The following EMP1 variants were observed in gnomAD, a reference collection of about 807,000 sequenced individuals.
EMP1 encodes epithelial membrane protein 1.
In EMP1, 5 loss-of-function variants were observed where a neutral mutation model predicts 15.7. That is an observed-to-expected ratio of 0.32 (90% CI 0.17 to 0.67). EMP1 has a LOEUF of 0.67. Among genes scored for constraint, EMP1 ranks in the 30% least tolerant of loss-of-function variants. The pLI, the probability that EMP1 is intolerant of heterozygous loss-of-function variation, is 0.74. For missense variants in EMP1, 166 were observed against 194.2 expected (o/e 0.85, Z 0.86); for synonymous variants, 78 against 76.7 (o/e 1.02, Z -0.09).
intron 4 of EMP1, chr12:13,214,150 A>G (rs1033109947): frequency 5.0e-6 from 3 of 604,520 alleles, no homozygotes; most frequent in African/African-American, 3.7e-5. Context: ...GCACATCATT[A>G]TTGTGATTCT....
chr12:13,214,796 G>A lies in EMP1; in HGVS notation c.*105G>A. The A allele has an allele frequency of 1.4e-5, 2 of 138,552 alleles. 1 individual carries two copies. Among genetic ancestry groups the A allele is most frequent in the South Asian group, 4.4e-4 (2 of 4,556 alleles). The allele number at this position is 138,552 out of a possible 1,614,324, so 8.6% of individuals were successfully genotyped here. On this transcript the variant is annotated 3_prime_UTR_variant, in exon 5 of 5. Transcript: ENST00000256951. ...CAGGAAAAACCGAGATAGGGGAGGG[G>A]GGAGGGGGAAGCAAAGGGGGGAGGT...
intron 1 of EMP1, among the ~76,000 whole-genome samples, chr12:13,202,254 C>T (rs757534334): frequency 2.0e-5 from 3 of 152,164 alleles, no homozygotes; most frequent in Non-Finnish European, 4.4e-5. Context: ...AATCTTTTGT[C>T]GCATTGGCTA....
chr12:13,203,637 A>G (rs367882276), intron 1 of EMP1, among the ~76,000 whole-genome samples: 2 of 152,354 alleles, frequency 1.3e-5, no homozygotes, highest in South Asian at 2.1e-4. Context: ...CCAACCAACC[A>G]GGAACTGTGT....
intron 1 of EMP1, among the ~76,000 whole-genome samples, chr12:13,202,160 T>G (rs1864071687): frequency 6.6e-6 from 1 of 152,186 alleles, no homozygotes; most frequent in African/African-American, 2.4e-5. Flanking sequence ...CCTTCCATCC[T>G]TCCACTCTTG....
At position 13,214,757 on chromosome 12, in the gene EMP1, T is replaced by C; in HGVS notation, c.*66T>C. 1 of 1,200,582 alleles carries C rather than the reference T, an allele frequency of 8.3e-7. No homozygotes were observed. Among genetic ancestry groups the C allele is most frequent in the Admixed American group, 2.5e-5 (1 of 40,080 alleles). The allele number at this position is 1,200,582 out of a possible 1,614,324, so 74.4% of individuals were successfully genotyped here. A position where few individuals can be genotyped will look rare whatever the true frequency, so the allele number is the denominator to read the frequency against. On this transcript the variant is annotated 3_prime_UTR_variant, in exon 5 of 5. Coordinates refer to ENST00000256951, the MANE Select transcript of EMP1 (RefSeq NM_001423.3). Reference sequence around the variant, plus strand: ...GAAGCCGTTGAATCTGGGAGGGAAGTGGAGGTTGCTGTACAGGAAAAACCG... The same window carrying C: ...GAAGCCGTTGAATCTGGGAGGGAAGCGGAGGTTGCTGTACAGGAAAAACCG...
chr12:13,209,833 G>A (rs1864148495), intron 1 of EMP1, among the ~76,000 whole-genome samples: 2 of 152,178 alleles, frequency 1.3e-5, no homozygotes, highest in Admixed American at 6.5e-5. Context: ...GAATTTGAAT[G>A]TGTGGGGGGA....
chr12:13,211,669 C>A lies in EMP1; in HGVS notation c.78+81C>A. The A allele has an allele frequency of 6.6e-7, 1 of 1,510,266 alleles. No individual in the cohort carries two copies. Among genetic ancestry groups the A allele is most frequent in the Non-Finnish European group, 9.2e-7 (1 of 1,090,146 alleles). 93.6% of individuals were successfully genotyped at this position (1,510,266 alleles called of 1,614,324 possible). A position where few individuals can be genotyped will look rare whatever the true frequency, so the allele number is the denominator to read the frequency against. ...TCAAGTGCACAAAAGAAGTTTAAGC[C>A]ACAGCCCTTGCCCTTCATGAACTTA... is the stretch of plus-strand genomic sequence containing the variant. On this transcript the variant is annotated intron_variant, in intron 2 of 4. Transcript: ENST00000256951. This position sits in a 1 kb window ranked among gnomAD's most constrained non-coding sequence, Gnocchi z 4.7.
At position 13,215,089 on chromosome 12, in the gene EMP1, C is replaced by A. The variant is rs1864202583; in HGVS notation, c.*398C>A. ...ATAGCGGTACAAGTTCTGGCAAGAG[C>A]AGATACTGTCTTTGTGCTGAATACG... On this transcript the variant is annotated 3_prime_UTR_variant, in exon 5 of 5. Transcript: ENST00000256951. 5.1e-6 allele frequency: 1 copy of A among 197,974 alleles called. No individual in the cohort carries two copies. Among genetic ancestry groups the A allele is most frequent in the African/African-American group, 2.3e-5 (1 of 43,238 alleles). 12.3% of individuals were successfully genotyped at this position (197,974 alleles called of 1,614,324 possible). A position where few individuals can be genotyped will look rare whatever the true frequency, so the allele number is the denominator to read the frequency against.
At chr12:13,210,164 AATAAATACC>A (rs775334882) in intron 1 of EMP1, among the ~76,000 whole-genome samples, 45 of 152,242 alleles carry the variant, frequency 3.0e-4, no homozygotes, top group Non-Finnish European at 5.4e-4. Context: ...AGTGCTCTCT[AATAAATACC>A]TGATGTGGCA....
At chr12:13,214,110 T>G in intron 4 of EMP1, 1 of 614,274 alleles carries the variant, frequency 1.6e-6, no homozygotes, top group East Asian at 2.7e-5. Flanking sequence ...AAGGTAGGAG[T>G]TCTCAGAAAG....
At chr12:13,200,184 C>T (rs974916398) in intron 1 of EMP1, among the ~76,000 whole-genome samples, 4 of 152,264 alleles carry the variant, frequency 2.6e-5, no homozygotes, top group East Asian at 3.9e-4. Context: ...TGTACATACT[C>T]GGAGGGACAC....
Position 13,215,223 on chromosome 12 carries a change from A to G in EMP1, c.*532A>G, listed in dbSNP as rs1864203942. 1 of 154,178 alleles carries G rather than the reference A, an allele frequency of 6.5e-6. No homozygotes were observed. The highest frequency in any genetic ancestry group is 2.0e-4 in the South Asian group (1 of 4,948). 9.6% of individuals were successfully genotyped at this position (154,178 alleles called of 1,614,324 possible). ...CTGTGAGCCATTGTCCCTCTTTGGA[A>G]CAGATATTTAGCTCTGTGGAATTCA... On this transcript the variant is annotated 3_prime_UTR_variant, in exon 5 of 5. Transcript: ENST00000256951.
At chr12:13,201,925 A>G (rs1780927167) in intron 1 of EMP1, among the ~76,000 whole-genome samples, 1 of 151,738 alleles carries the variant, frequency 6.6e-6, no homozygotes, top group African/African-American at 2.4e-5. Flanking sequence ...GGTGTGGTGT[A>G]CAGGTGTGGA....
intron 1 of EMP1, among the ~76,000 whole-genome samples, chr12:13,203,465 C>T (rs1329066361): frequency 2.0e-5 from 3 of 152,308 alleles, no homozygotes; most frequent in African/African-American, 7.2e-5. Context: ...GGAGGACAAG[C>T]GGAAATAAGA....
At chr12:13,199,964 C>CT (rs60389913) in intron 1 of EMP1, among the ~76,000 whole-genome samples, 17,395 of 107,490 alleles carry the variant, frequency 0.16, 1,641 homozygotes, top group East Asian at 0.41. Flanking sequence ...TCTTCTTCTT[C>CT]TTTTTTTTTT....
intron 1 of EMP1, among the ~76,000 whole-genome samples, chr12:13,201,929 G>A (rs1198496635): frequency 6.6e-6 from 1 of 151,822 alleles, no homozygotes; most frequent in Non-Finnish European, 1.5e-5. Flanking sequence ...TGGTGTACAG[G>A]TGTGGACAGG....
In EMP1 at chr12:13,216,325, A is replaced by G; in HGVS notation, c.*1634A>G. 1.4e-6 allele frequency: 1 copy of G among 695,864 alleles called. No individual in the cohort carries two copies. The highest frequency in any genetic ancestry group is 1.5e-5 in the South Asian group (1 of 65,832). 43.1% of individuals were successfully genotyped at this position (695,864 alleles called of 1,614,324 possible). The stretch of plus-strand genomic sequence containing the variant: ...TGCCATGATTTTTGGTATTTATGTA[A>G]AAGGATTATTACTAATTCTATTTCT... On this transcript the variant is annotated 3_prime_UTR_variant, in exon 5 of 5. Coordinates refer to ENST00000256951, the MANE Select transcript of EMP1 (RefSeq NM_001423.3).
In EMP1 at chr12:13,218,870, G is replaced by A. The variant is rs1442942923; in HGVS notation, c.*4179G>A. The A allele has an allele frequency of 6.6e-6, 1 of 152,186 alleles. No homozygotes were observed. Among genetic ancestry groups the A allele is most frequent in the East Asian group, 1.9e-4 (1 of 5,186 alleles). The allele number at this position is 152,186 out of a possible 1,614,324, so 9.4% of individuals were successfully genotyped here. Reference sequence around the variant, plus strand: ...ATAAATCTCATACCTAGAGAAAATGGAGGATCTGTGGGATGTAGATGAGGT... The same window carrying A: ...ATAAATCTCATACCTAGAGAAAATGAAGGATCTGTGGGATGTAGATGAGGT... On this transcript the variant is annotated 3_prime_UTR_variant, in exon 5 of 5. Transcript: ENST00000256951.
At chr12:13,203,070 G>A (rs544182921) in intron 1 of EMP1, among the ~76,000 whole-genome samples, 1 of 152,270 alleles carries the variant, frequency 6.6e-6, no homozygotes, top group East Asian at 1.9e-4. Context: ...CCCACCTGAT[G>A]GGTCTGGGGT....
Sources: gnomAD v4.1 joint callset for allele counts (sites outside exome capture counted in the v4.1 genomes callset) on GRCh38, gnomAD v4.1.1 for gene constraint, Gnocchi (gnomAD v3.1) non-coding constraint, MANE v1.5 for transcripts, NCBI Gene and HGNC (gene_info 2026-07-23, HGNC 2026-07-21) for gene names.